The following CARMIL2 variants were observed in gnomAD, a reference collection of about 807,000 sequenced individuals.
CARMIL2 encodes the protein capping protein regulator and myosin 1 linker 2.
In CARMIL2, 96 loss-of-function variants were observed where a neutral mutation model predicts 173.3. The ratio of observed to expected loss-of-function variants is 0.55; its 90% CI spans 0.47 to 0.66. CARMIL2 has a LOEUF of 0.66. CARMIL2 is among the 30% of genes least tolerant of loss of function. The pLI is 0.00. For missense variants in CARMIL2, 1,771 were observed against 1,906.7 expected, an observed-to-expected ratio of 0.93 and a Z score of 1.33; for synonymous variants, 830 against 817.1, an observed-to-expected ratio of 1.02 and a Z score of -0.27.
In CARMIL2 at chr16:67,648,739, C is replaced by T; in HGVS notation, c.1494C>T (p.Asp498=). Residue 498 remains aspartate (D), a synonymous_variant, in exon 16 of 38, where the codon GAC becomes GAT. Coordinates refer to ENST00000334583, the MANE Select transcript of CARMIL2 (RefSeq NM_001013838.3). The surrounding 1 kb of genome is among the most constrained non-coding windows in gnomAD (Gnocchi z 6.1). ...LNTHLRDLHL[D]LSACELRSAG... The stretch of plus-strand genomic sequence containing the variant: ...CGCACCTCCGCGACCTGCACCTGGA[C>T]CTCAGCGCTTGCGAGGTGAGCGCCG... 6.2e-7 allele frequency: 1 copy of T among 1,606,414 alleles called. No individual in the cohort carries two copies. Among genetic ancestry groups the T allele is most frequent in the South Asian group, 1.1e-5 (1 of 89,512 alleles).
At chr16:67,656,671 C>T in intron 35 of CARMIL2, 26 bp downstream of exon 35, 1 of 1,576,220 alleles carries the variant, frequency 6.3e-7, no homozygotes, top group Non-Finnish European at 8.6e-7. Context: ...ATTCCCCACC[C>T]CAATCCTGGC....
rs754774515 is a variant in CARMIL2, at chr16:67,648,765, G to A, written c.1509+11G>A. On this transcript the variant is annotated intron_variant, in intron 16 of 37. Coordinates refer to ENST00000334583, the MANE Select transcript of CARMIL2 (RefSeq NM_001013838.3). The surrounding 1 kb of genome is among the most constrained non-coding windows in gnomAD (Gnocchi z 6.1). ...CTCAGCGCTTGCGAGGTGAGCGCCGGCCCCCAGAAGAGACCACACATTGGG... is the reference window on the plus strand; with the variant it reads ...CTCAGCGCTTGCGAGGTGAGCGCCGACCCCCAGAAGAGACCACACATTGGG... The A allele has an allele frequency of 1.3e-6, 2 of 1,596,074 alleles. No homozygotes were observed. The highest frequency in any genetic ancestry group is 2.3e-5 in the South Asian group (2 of 88,206).
Position 67,653,104 on chromosome 16 carries a change from C to G in CARMIL2, c.2970C>G (p.Gly990=). Residue 990 remains glycine (G), a synonymous_variant, in exon 29 of 38, where the codon GGC becomes GGG. Coordinates refer to ENST00000334583, the MANE Select transcript of CARMIL2 (RefSeq NM_001013838.3). This position sits in a 1 kb window ranked among gnomAD's most constrained non-coding sequence, Gnocchi z 7.4. ...AEPQAGPSAR[G]SPSPAAPGPP... The stretch of plus-strand genomic sequence containing the variant: ...CGCAGGCGGGGCCGTCCGCGCGCGG[C>G]TCTCCGAGCCCTGCCGCCCCTGGGC... 1.7e-6 allele frequency: 2 copies of G among 1,163,296 alleles called. No individual in the cohort carries two copies. The highest frequency in any genetic ancestry group is 3.8e-4 in the Middle Eastern group (1 of 2,640). 72.1% of individuals were successfully genotyped at this position (1,163,296 alleles called of 1,614,324 possible).
At position 67,656,469 on chromosome 16, in the gene CARMIL2, C is replaced by A. The variant is rs771028191; in HGVS notation, c.3860C>A (p.Ala1287Asp). The A allele has an allele frequency of 9.6e-5, 154 of 1,611,292 alleles. No homozygotes were observed. Among genetic ancestry groups the A allele is most frequent in the Non-Finnish European group, 1.3e-4 (150 of 1,178,560 alleles). Residue 1287 changes from alanine to aspartate, a missense_variant, in exon 35 of 38, where the codon GCC (alanine) becomes GAC (aspartate). Coordinates refer to ENST00000334583, the MANE Select transcript of CARMIL2 (RefSeq NM_001013838.3). The stretch of plus-strand genomic sequence containing the variant: ...CCAGGGAGCCAGGGGCCTGAGTCTG[C>A]CACCTGGAAGACACTGGGGCAGCAG... ...PGPGSQGPESATWKTLGQQLN... is the reference protein window; with the variant it reads ...PGPGSQGPESDTWKTLGQQLN...
Position 67,656,442 on chromosome 16 carries a change from G to A in CARMIL2, c.3833G>A (p.Gly1278Asp). 1.9e-6 allele frequency: 3 copies of A among 1,609,436 alleles called. No homozygotes were observed. The highest frequency in any genetic ancestry group is 2.5e-6 in the Non-Finnish European group (3 of 1,177,272). Residue 1278 changes from glycine (G) to aspartate (D), a missense_variant, in exon 35 of 38, where the codon GGC (glycine) becomes GAC (aspartate). Physicochemically the swap from Gly to Asp is moderately conservative, Grantham distance 94 (BLOSUM62 -1). This residue lies in a region of CARMIL2 where 817 missense variants were observed against 903.5 expected (regional missense o/e 0.90). Transcript: ENST00000334583. ...CCTACAGACCCTTCCTGCAGACCTG[G>A]CCCAGGGAGCCAGGGGCCTGAGTCT... is the stretch of plus-strand genomic sequence containing the variant. ...SVSADPSCRP[G>D]PGSQGPESAT...
In CARMIL2 at chr16:67,647,762, G is replaced by T. The variant is rs745366415; in HGVS notation, c.954G>T (p.Pro318=). The change falls in exon 12 of 38, where the codon CCG becomes CCT. Residue 318 remains proline, a synonymous_variant. Coordinates refer to ENST00000334583, the MANE Select transcript of CARMIL2 (RefSeq NM_001013838.3). ...RLSLAQTGLT[P]RGMRALGRAL... ...GCCTGGCCCAGACAGGGTTGACACC[G>T]CGAGGTAGGCTGGATGAGGGAGGGG... 1 of 1,406,446 alleles carries T rather than the reference G, an allele frequency of 7.1e-7. No homozygotes were observed. The allele number at this position is 1,406,446 out of a possible 1,614,324, so 87.1% of individuals were successfully genotyped here. A position where few individuals can be genotyped will look rare whatever the true frequency, so the allele number is the denominator to read the frequency against.
Position 67,648,746 on chromosome 16 carries a change from G to T in CARMIL2, c.1501G>T (p.Ala501Ser). 6.2e-7 allele frequency: 1 copy of T among 1,604,250 alleles called. No homozygotes were observed. The highest frequency in any genetic ancestry group is 8.5e-7 in the Non-Finnish European group (1 of 1,175,810). The change falls in exon 16 of 38, where the codon GCT (alanine) becomes TCT (serine). Residue 501 changes from alanine (A) to serine (S), a missense_variant. Ala to Ser is a moderately conservative substitution (Grantham distance 99). Around this residue, in one of 3 missense-constraint regions of CARMIL2, gnomAD observed 944 missense variants for 975.6 expected, o/e 0.97. Coordinates refer to ENST00000334583, the MANE Select transcript of CARMIL2 (RefSeq NM_001013838.3). The surrounding 1 kb of genome is among the most constrained non-coding windows in gnomAD (Gnocchi z 6.1). Reference sequence around the variant, plus strand: ...CCGCGACCTGCACCTGGACCTCAGCGCTTGCGAGGTGAGCGCCGGCCCCCA... The same window carrying T: ...CCGCGACCTGCACCTGGACCTCAGCTCTTGCGAGGTGAGCGCCGGCCCCCA... ...HLRDLHLDLS[A>S]CELRSAGAQV...
In CARMIL2 at chr16:67,656,251, G is replaced by A; in HGVS notation, c.3766G>A (p.Glu1256Lys). 6.2e-7 allele frequency: 1 copy of A among 1,614,028 alleles called. No individual in the cohort carries two copies. Among genetic ancestry groups the A allele is most frequent in the Non-Finnish European group, 8.5e-7 (1 of 1,179,896 alleles). ...SDGDIMDSSTEAPPISIKSRT... is the reference protein window; with the variant it reads ...SDGDIMDSSTKAPPISIKSRT... Reference sequence around the variant, plus strand: ...AGGTGACATTATGGACAGTTCCACGGAGGCCCCTCCCATCTCGATCAAGTC... The same window carrying A: ...AGGTGACATTATGGACAGTTCCACGAAGGCCCCTCCCATCTCGATCAAGTC... The change falls in exon 34 of 38, where the codon GAG (glutamate) becomes AAG (lysine). Residue 1256 changes from glutamate to lysine, a missense_variant. By Grantham distance (56) the Glu-to-Lys change is moderately conservative (BLOSUM62 1). Around this residue, in one of 3 missense-constraint regions of CARMIL2, gnomAD observed 817 missense variants for 903.5 expected, o/e 0.90. Transcript: ENST00000334583.
In CARMIL2 at chr16:67,648,280, C is replaced by T. The variant is rs2052640087; in HGVS notation, c.1300C>T (p.His434Tyr). ...CCGAGGCTGCTGCACCAGCCTTACC[C>T]ACCTCGACGCTTCGAGGAACGTCTT... ...VSRGCCTSLTHLDASRNVFSR... is the reference protein window; with the variant it reads ...VSRGCCTSLTYLDASRNVFSR... The change falls in exon 14 of 38, where the codon CAC (histidine) becomes TAC (tyrosine). Residue 434 changes from histidine (H) to tyrosine (Y), a missense_variant. This residue lies in a region of CARMIL2 where 944 missense variants were observed against 975.6 expected (regional missense o/e 0.97). Transcript: ENST00000334583. The surrounding 1 kb of genome is among the most constrained non-coding windows in gnomAD (Gnocchi z 6.1). The T allele has an allele frequency of 6.3e-7, 1 of 1,596,430 alleles. No individual in the cohort carries two copies. The highest frequency in any genetic ancestry group is 1.1e-5 in the South Asian group (1 of 89,756).
rs779323055 is a variant in CARMIL2, at chr16:67,656,436, G to A, written c.3827G>A (p.Arg1276Lys). Residue 1276 changes from arginine (R) to lysine (K), a missense_variant, in exon 35 of 38, where the codon AGA becomes AAA. Physicochemically the swap from Arg to Lys is conservative, Grantham distance 26. Transcript: ENST00000334583. The stretch of plus-strand genomic sequence containing the variant: ...TTTCTCCCTACAGACCCTTCCTGCA[G>A]ACCTGGCCCAGGGAGCCAGGGGCCT... ...THSVSADPSCRPGPGSQGPES... is the reference protein window; with the variant it reads ...THSVSADPSCKPGPGSQGPES... 6.2e-7 allele frequency: 1 copy of A among 1,609,406 alleles called. No homozygotes were observed.
At position 67,646,807 on chromosome 16, in the gene CARMIL2, G is replaced by A; in HGVS notation, c.537+23G>A. 6.2e-7 allele frequency: 1 copy of A among 1,613,552 alleles called. No homozygotes were observed. Among genetic ancestry groups the A allele is most frequent in the Non-Finnish European group, 8.5e-7 (1 of 1,179,564 alleles). ...TGGGTGAGGGTAGGGCCCTTTTGAA[G>A]GGCTCTGGAGACATCTGGTCCCCCA... On this transcript the variant is annotated intron_variant, in intron 7 of 37. Coordinates refer to ENST00000334583, the MANE Select transcript of CARMIL2 (RefSeq NM_001013838.3). This position sits in a 1 kb window ranked among gnomAD's most constrained non-coding sequence, Gnocchi z 4.6.
chr16:67,654,707 TGGG>T lies in CARMIL2; in HGVS notation c.3582+19_3582+21del, dbSNP rs761240189. 1 of 1,600,170 alleles carries T rather than the reference TGGG, an allele frequency of 6.2e-7. No homozygotes were observed. The highest frequency in any genetic ancestry group is 8.5e-7 in the Non-Finnish European group (1 of 1,172,344). ...GACCCGACAAGGTGAGGCTTGCTGA[TGGG>T]GGGTGGTGAAGGCGCTTCTGGGACC... On this transcript the variant is annotated intron_variant, in intron 31 of 37. Transcript: ENST00000334583.
chr16:67,649,617 C>A lies in CARMIL2; in HGVS notation c.1917C>A (p.Leu639=). ...AGGCGCTGCGGGTCAACTCGAGGCT[C>A]CGGTGGGCGGGGTCAGAGGGGTGGG... ...LAKALRVNSR[L]RSVVWDRNHT... is the part of the protein sequence containing the mutation. Residue 639 remains leucine (L), a splice_region_variant and synonymous_variant, in exon 20 of 38, where the codon CTC becomes CTA. Transcript: ENST00000334583. The surrounding 1 kb of genome is among the most constrained non-coding windows in gnomAD (Gnocchi z 6.7). The A allele has an allele frequency of 6.3e-7, 1 of 1,592,486 alleles. No homozygotes were observed. The highest frequency in any genetic ancestry group is 8.5e-7 in the Non-Finnish European group (1 of 1,175,090).
At position 67,646,344 on chromosome 16, in the gene CARMIL2, G is replaced by C. The variant is rs746297646; in HGVS notation, c.374+34G>C. On this transcript the variant is annotated intron_variant, in intron 5 of 37. Transcript: ENST00000334583. The surrounding 1 kb of genome is among the most constrained non-coding windows in gnomAD (Gnocchi z 4.6). ...TGGCAAATTCGAGGGGCTGGCAGGG[G>C]AGGAGGGAGTGCATGAGAAGGGCTG... 2 of 1,610,018 alleles carry C rather than the reference G, an allele frequency of 1.2e-6. No individual in the cohort carries two copies. The highest frequency in any genetic ancestry group is 4.5e-5 in the East Asian group (2 of 44,796).
At position 67,653,267 on chromosome 16, in the gene CARMIL2, C is replaced by T. The variant is rs2052765812; in HGVS notation, c.3120+13C>T. On this transcript the variant is annotated intron_variant, in intron 29 of 37. Coordinates refer to ENST00000334583, the MANE Select transcript of CARMIL2 (RefSeq NM_001013838.3). This position sits in a 1 kb window ranked among gnomAD's most constrained non-coding sequence, Gnocchi z 7.4. ...GGGGGGCCCCCAGGTGAGCACCCTT[C>T]CCCCACTCCGGAGCGCGTGGAATTG... 2 of 1,120,406 alleles carry T rather than the reference C, an allele frequency of 1.8e-6. No homozygotes were observed. The highest frequency in any genetic ancestry group is 4.3e-5 in the South Asian group (1 of 23,162). 69.4% of individuals were successfully genotyped at this position (1,120,406 alleles called of 1,614,324 possible). A position where few individuals can be genotyped will look rare whatever the true frequency, so the allele number is the denominator to read the frequency against.
chr16:67,652,274 C>T lies in CARMIL2; in HGVS notation c.2752C>T (p.Leu918Phe), dbSNP rs1434010318. The change falls in exon 27 of 38, where the codon CTC (leucine) becomes TTC (phenylalanine). Residue 918 changes from leucine (L) to phenylalanine (F), a missense_variant. Around this residue, in one of 3 missense-constraint regions of CARMIL2, gnomAD observed 817 missense variants for 903.5 expected, o/e 0.90. Coordinates refer to ENST00000334583, the MANE Select transcript of CARMIL2 (RefSeq NM_001013838.3). The surrounding 1 kb of genome is among the most constrained non-coding windows in gnomAD (Gnocchi z 4.7). ...LPAPDGGEPS[L>F]LEPGELEGLF... is the part of the protein sequence containing the mutation. ...AGCACCGGATGGAGGTGAGCCCAGC[C>T]TCCTTGAGCCTGGGGAATTGGAAGG... 1.9e-6 allele frequency: 3 copies of T among 1,613,278 alleles called. No individual in the cohort carries two copies. In the African/African-American group the frequency reaches 4.0e-5, roughly 22 times the overall value.
Position 67,648,323 on chromosome 16 carries a change from G to C in CARMIL2, c.1334+9G>C. The C allele has an allele frequency of 6.3e-7, 1 of 1,582,308 alleles. No homozygotes were observed. Among genetic ancestry groups the C allele is most frequent in the South Asian group, 1.1e-5 (1 of 88,498 alleles). ...AACGTCTTCTCCCGCACGTAAGGGG[G>C]ACCTGTCGGGGCCGGGGGAGGCTGC... On this transcript the variant is annotated intron_variant, in intron 14 of 37. Transcript: ENST00000334583. The surrounding 1 kb of genome is among the most constrained non-coding windows in gnomAD (Gnocchi z 6.1).
chr16:67,654,156 C>G lies in CARMIL2; in HGVS notation c.3128C>G (p.Pro1043Arg). Residue 1043 changes from proline to arginine, a missense_variant, in exon 30 of 38, where the codon CCA becomes CGA. Physicochemically the swap from Pro to Arg is moderately radical, Grantham distance 103. Transcript: ENST00000334583. ...CCCCATGATGCCCCCCAGGTACCCC[C>G]AGCCTTGCCGCAGGAAGGGAATGGG... ...RPPPGGPQVP[P>R]ALPQEGNGLS... 1 of 1,557,748 alleles carries G rather than the reference C, an allele frequency of 6.4e-7. No homozygotes were observed. The highest frequency in any genetic ancestry group is 1.2e-5 in the South Asian group (1 of 84,438).
At position 67,648,205 on chromosome 16, in the gene CARMIL2, C is replaced by T. The variant is rs1416453633; in HGVS notation, c.1225C>T (p.Pro409Ser). The T allele has an allele frequency of 3.1e-6, 5 of 1,605,254 alleles. No homozygotes were observed. Among genetic ancestry groups the T allele is most frequent in the African/African-American group, 1.3e-5 (1 of 74,802 alleles). The change falls in exon 14 of 38, where the codon CCC becomes TCC. Residue 409 changes from proline (P) to serine (S), a missense_variant. By Grantham distance (74) the Pro-to-Ser change is moderately conservative. Transcript: ENST00000334583. This position sits in a 1 kb window ranked among gnomAD's most constrained non-coding sequence, Gnocchi z 6.1. Reference protein sequence around the residue: ...WRAGRGGLGPPAGVANSLPPQ... With the variant: ...WRAGRGGLGPSAGVANSLPPQ... ...GGCGGGACGGGGAGGGCTCGGTCCCCCCGCGGGTGTAGCCAACAGCCTCCC... is the reference window on the plus strand; with the variant it reads ...GGCGGGACGGGGAGGGCTCGGTCCCTCCGCGGGTGTAGCCAACAGCCTCCC...
Sources: gnomAD v4.1 joint callset for allele counts on GRCh38, gnomAD v4.1.1 for gene constraint, gnomAD v4.1.1 regional missense constraint, Gnocchi (gnomAD v3.1) non-coding constraint, MANE v1.5 for transcripts, NCBI Gene and HGNC (gene_info 2026-07-23, HGNC 2026-07-21) for gene names.